SPATS2L: variants seen among roughly 807,000 people sequenced by gnomAD.
The protein encoded by SPATS2L is spermatogenesis associated serine rich 2 like, also known as SPATS2-like protein.
A neutral mutation model predicts 59.6 loss-of-function variants in SPATS2L; 30 were observed. That is an observed-to-expected ratio of 0.50 (90% CI 0.38 to 0.68). The LOEUF (loss-of-function observed/expected upper bound fraction) is 0.68. Among genes scored for constraint, SPATS2L ranks in the 30% least tolerant of loss-of-function variants. SPATS2L has a pLI of 0.00. For synonymous variants in SPATS2L, 252 were observed against 263.5 expected (o/e 0.96, Z 0.42); for missense variants, 615 against 700.0 (o/e 0.88, Z 1.37).
chr2:200,310,958 C>G (rs1443335511), intron 1 of SPATS2L, among the ~76,000 whole-genome samples: 1 of 152,228 alleles, frequency 6.6e-6, no homozygotes, highest in Non-Finnish European at 1.5e-5. Flanking sequence ...ACCATCACAT[C>G]CTTTCTTACG....
chr2:200,335,107 A>G (rs1018617619), intron 2 of SPATS2L, among the ~76,000 whole-genome samples: 3 of 152,192 alleles, frequency 2.0e-5, no homozygotes. Context: ...CTTGGGCAGT[A>G]TGGCCATTTT....
chr2:200,421,267 G>A (rs1321983691), intron 6 of SPATS2L, among the ~76,000 whole-genome samples: 1 of 152,128 alleles, frequency 6.6e-6, no homozygotes, highest in Admixed American at 6.5e-5. Context: ...GGTATTGAAG[G>A]ACCAATAGAA....
chr2:200,350,613 T>A (rs1052896395), intron 2 of SPATS2L, among the ~76,000 whole-genome samples: 2 of 152,170 alleles, frequency 1.3e-5, no homozygotes, highest in Non-Finnish European at 2.9e-5. Context: ...AGCCTCTGCC[T>A]CCTAGGTTCA....
At chr2:200,415,836 C>A (rs1486596349) in intron 4 of SPATS2L, among the ~76,000 whole-genome samples, 13 of 152,176 alleles carry the variant, frequency 8.5e-5, no homozygotes, top group African/African-American at 3.1e-4. Context: ...GCCTTGTAGA[C>A]CACATCCCAT....
chr2:200,362,248 G>A (rs879251808), intron 2 of SPATS2L, among the ~76,000 whole-genome samples: 1 of 151,752 alleles, frequency 6.6e-6, no homozygotes, highest in African/African-American at 2.4e-5. Context: ...ACCTTGTCTT[G>A]AAAAAAAAGA....
chr2:200,320,883 T>C (rs1288660073), intron 1 of SPATS2L, among the ~76,000 whole-genome samples: 2 of 152,188 alleles, frequency 1.3e-5, no homozygotes, highest in African/African-American at 4.8e-5. Context: ...TTTAAAAGAA[T>C]AGTATTCTTA....
intron 3 of SPATS2L, 89 bp from the exon 4 acceptor site, chr2:200,412,222 A>G (rs2082899073): frequency 1.4e-6 from 1 of 731,028 alleles, no homozygotes; most frequent in African/African-American, 1.8e-5. Context: ...CCTTTCTAAT[A>G]GTTGTAATTC....
intron 8 of SPATS2L, among the ~76,000 whole-genome samples, chr2:200,444,438 T>C (rs1042789044): frequency 6.6e-6 from 1 of 152,126 alleles, no homozygotes; most frequent in Non-Finnish European, 1.5e-5. Context: ...TAACATCTAA[T>C]TAAAAGCACC....
intron 8 of SPATS2L, among the ~76,000 whole-genome samples, chr2:200,442,379 T>A (rs903382479): frequency 3.3e-5 from 5 of 152,218 alleles, no homozygotes; most frequent in African/African-American, 1.2e-4. Context: ...GTAACTATCC[T>A]AAGCATTATG....
chr2:200,398,152 T>C (rs1340517447), intron 3 of SPATS2L, among the ~76,000 whole-genome samples: 1 of 152,116 alleles, frequency 6.6e-6, no homozygotes, highest in Non-Finnish European at 1.5e-5. Context: ...ACTAGCAACC[T>C]CCTGGGGGGA....
Position 200,386,998 on chromosome 2 carries a change from C to T in SPATS2L, c.-22-2225C>T, listed in dbSNP as rs192947783. On this transcript the variant is annotated intron_variant, in intron 2 of 12. Transcript: ENST00000409140. ...GACTGTCTTGCAGGCTTGTAATGAC[C>T]GACCAAAGGCTTTACTTTCCACCCC... Among the ~76,000 whole-genome samples, 43 of 152,296 alleles carry T rather than the reference C, an allele frequency of 2.8e-4. No individual in the cohort carries two copies. In the East Asian group the frequency reaches 7.3e-3, roughly 26 times the overall value.
chr2:200,366,498 A>G (rs1372297874), intron 2 of SPATS2L, among the ~76,000 whole-genome samples: 1 of 152,190 alleles, frequency 6.6e-6, no homozygotes, highest in African/African-American at 2.4e-5. Context: ...TTTCAAGTGA[A>G]TATAATTAAA....
chr2:200,433,586 A>C (rs1025781484), intron 6 of SPATS2L, among the ~76,000 whole-genome samples: 1 of 152,118 alleles, frequency 6.6e-6, no homozygotes, highest in Non-Finnish European at 1.5e-5. Flanking sequence ...GATATGAGAA[A>C]AATTTTGAAC....
At chr2:200,356,377 C>T (rs962926241) in intron 2 of SPATS2L, among the ~76,000 whole-genome samples, 2 of 152,088 alleles carry the variant, frequency 1.3e-5, no homozygotes, top group Non-Finnish European at 2.9e-5. Flanking sequence ...AAGAGATGAA[C>T]TAGTGCCATT....
intron 2 of SPATS2L, among the ~76,000 whole-genome samples, chr2:200,346,732 C>T (rs1280816045): frequency 6.6e-6 from 1 of 152,156 alleles, no homozygotes; most frequent in Non-Finnish European, 1.5e-5. Flanking sequence ...AATGTCAATT[C>T]AAAGATTCCT....
rs780001596 is a variant in SPATS2L at position 200,444,893 on chromosome 2, T to TA, written c.788+4111dup. On this transcript the variant is annotated intron_variant, in intron 8 of 12. Coordinates refer to ENST00000409140, the MANE Select transcript of SPATS2L (RefSeq NM_001100423.2). Reference sequence around the variant, plus strand: ...TCCATATCCCTTTTCTCTTTTTTTTTAACTATGGAAACTCAGTTATCTTAT... The same window carrying TA: ...TCCATATCCCTTTTCTCTTTTTTTTTAAACTATGGAAACTCAGTTATCTTAT... Among the ~76,000 whole-genome samples the TA allele has an allele frequency of 1.6e-3, 241 of 152,216 alleles. 4 individuals are homozygous for TA. Among genetic ancestry groups the TA allele is most frequent in the Non-Finnish European group, 1.3e-3 (86 of 68,014 alleles).
intron 2 of SPATS2L, chr2:200,372,379 A>G (rs2081454774): frequency 6.3e-6 from 1 of 158,372 alleles, no homozygotes; most frequent in African/African-American, 2.4e-5. Context: ...ACCAAATGTA[A>G]CAGGAATAAA....
chr2:200,350,834 T>A (rs1044352173), intron 2 of SPATS2L, among the ~76,000 whole-genome samples: 2 of 152,084 alleles, frequency 1.3e-5, no homozygotes, highest in Non-Finnish European at 1.5e-5. Context: ...CATGCCTGGC[T>A]TAAATTTAAA....
At chr2:200,339,965 T>C (rs1473235780) in intron 2 of SPATS2L, among the ~76,000 whole-genome samples, 4 of 152,178 alleles carry the variant, frequency 2.6e-5, no homozygotes, top group Non-Finnish European at 5.9e-5. Context: ...GTTCCTTAGA[T>C]GGAATCGTTC....
Sources: gnomAD v4.1 joint callset for allele counts (sites outside exome capture counted in the v4.1 genomes callset) on GRCh38, gnomAD v4.1.1 for gene constraint, MANE v1.5 for transcripts, NCBI Gene and HGNC (gene_info 2026-07-23, HGNC 2026-07-21) for gene names.